GPD2: variants seen among roughly 807,000 people sequenced by gnomAD.
The protein encoded by GPD2 is glycerol-3-phosphate dehydrogenase, mitochondrial.
A neutral mutation model predicts 82.4 loss-of-function variants in GPD2; 54 were observed. The ratio of observed to expected loss-of-function variants is 0.66; its 90% CI spans 0.53 to 0.82. The LOEUF is 0.82. Among genes scored for constraint, GPD2 ranks in the 40% least tolerant of loss-of-function variants. GPD2 has a pLI of 0.00. For synonymous variants in GPD2, 288 were observed against 306.1 expected (o/e 0.94, Z 0.62); for missense variants, 748 against 896.2 (o/e 0.83, Z 2.11).
chr2:156,537,604 G>A (rs893092818), intron 6 of GPD2, among the ~76,000 whole-genome samples: 5 of 152,198 alleles, frequency 3.3e-5, no homozygotes, highest in Admixed American at 2.0e-4. Context: ...TTAGAAGTAT[G>A]AGGGTGTGCT....
At chr2:156,482,761 C>CT (rs1683778324) in intron 2 of GPD2, among the ~76,000 whole-genome samples, 1 of 151,928 alleles carries the variant, frequency 6.6e-6, no homozygotes, top group Admixed American at 6.6e-5. Flanking sequence ...TTGTGAGTGG[C>CT]TTAGGAAATA....
At chr2:156,400,858 T>A in the GPD2 span, among the ~76,000 whole-genome samples, 1 of 152,178 alleles carries the variant, frequency 6.6e-6, no homozygotes, top group Non-Finnish European at 1.5e-5. Flanking sequence ...CGACGTTTGC[T>A]TTTTATTTTT....
At chr2:156,498,642 T>C (rs190160816) in intron 3 of GPD2, among the ~76,000 whole-genome samples, 52 of 152,178 alleles carry the variant, frequency 3.4e-4, no homozygotes, top group African/African-American at 1.2e-3. Flanking sequence ...CTTTATTGAA[T>C]AGATCACTTG....
chr2:156,472,477 C>T (rs1230383942), intron 1 of GPD2, among the ~76,000 whole-genome samples: 1 of 152,030 alleles, frequency 6.6e-6, no homozygotes, highest in Admixed American at 6.6e-5. Context: ...CATGCCACTA[C>T]TGCCTGGCTA....
intron 6 of GPD2, among the ~76,000 whole-genome samples, chr2:156,540,349 C>T (rs113136866): frequency 0.017 from 2,625 of 152,242 alleles, 82 homozygotes; most frequent in African/African-American, 0.059. Context: ...CTGTTGAGAG[C>T]GTCGGACTGG....
the GPD2 span, among the ~76,000 whole-genome samples, chr2:156,401,071 G>A: frequency 6.6e-6 from 1 of 152,212 alleles, no homozygotes; most frequent in African/African-American, 2.4e-5. Context: ...CATGAGTCCA[G>A]TGTTTAAAGG....
chr2:156,540,883 A>G (rs1219702795), intron 6 of GPD2, among the ~76,000 whole-genome samples: 1 of 152,222 alleles, frequency 6.6e-6, no homozygotes, highest in Non-Finnish European at 1.5e-5. Context: ...GTTGTTACAC[A>G]TTTCAGGGTA....
intron 13 of GPD2, 66 bp from the exon 14 acceptor site, chr2:156,578,822 TA>T (rs928874386): frequency 9.7e-6 from 9 of 924,956 alleles, no homozygotes; most frequent in South Asian, 2.6e-5. Context: ...AGATCAACAG[TA>T]AAAAAAGGAG....
intron 3 of GPD2, among the ~76,000 whole-genome samples, chr2:156,502,440 T>G (rs183851471): frequency 1.7e-3 from 256 of 152,264 alleles, no homozygotes; most frequent in African/African-American, 5.8e-3. Flanking sequence ...TTTGTTTTGT[T>G]TTTGGAGACA....
Position 156,584,405 on chromosome 2 carries a change from G to A in GPD2, c.*1487G>A, listed in dbSNP as rs142234239. On this transcript the variant is annotated 3_prime_UTR_variant, in exon 17 of 17. Coordinates refer to ENST00000438166, the MANE Select transcript of GPD2 (RefSeq NM_000408.5). ...ACTGGCACATAAAACACTTTTTGCT[G>A]TTATTTTTATTTATGTCAATACTGC... 2 of 152,236 alleles carry A rather than the reference G, an allele frequency of 1.3e-5. 1 individual carries two copies. The highest frequency in any genetic ancestry group is 3.9e-4 in the East Asian group (2 of 5,154). 9.4% of individuals were successfully genotyped at this position (152,236 alleles called of 1,614,324 possible).
Position 156,512,170 on chromosome 2 carries a change from ATAT to A in GPD2, c.400-46_400-44del, listed in dbSNP as rs772465746. The A allele has an allele frequency of 5.5e-6, 5 of 906,912 alleles. No individual in the cohort carries two copies. The African/African-American group carries it at 6.5e-5, about 12-fold the overall frequency. The allele number at this position is 906,912 out of a possible 1,614,324, so 56.2% of individuals were successfully genotyped here. ...CAGGGTGTCTATTTGCCATTTGAAA[ATAT>A]TATGATCTGTTACTGCCAAACTAAT... On this transcript the variant is annotated intron_variant, in intron 4 of 16. Coordinates refer to ENST00000438166, the MANE Select transcript of GPD2 (RefSeq NM_000408.5).
At chr2:156,442,864 C>G (rs1280230093) in intron 1 of GPD2, among the ~76,000 whole-genome samples, 1 of 151,978 alleles carries the variant, frequency 6.6e-6, no homozygotes, top group Non-Finnish European at 1.5e-5. Flanking sequence ...GTGGTAATGC[C>G]CAAACTGCTT....
chr2:156,552,870 C>A (rs1686811513), intron 8 of GPD2, among the ~76,000 whole-genome samples: 1 of 137,000 alleles, frequency 7.3e-6, no homozygotes. Flanking sequence ...CAAGCTACTT[C>A]TTTCAGCTTC....
intron 9 of GPD2, among the ~76,000 whole-genome samples, chr2:156,568,624 A>G (rs950088064): frequency 1.3e-5 from 2 of 152,044 alleles, no homozygotes; most frequent in Non-Finnish European, 2.9e-5. Flanking sequence ...TTTCATGGAA[A>G]TTATCTTTGT....
chr2:156,431,245 G>C (rs969374137), upstream of GPD2, among the ~76,000 whole-genome samples: 3 of 152,162 alleles, frequency 2.0e-5, no homozygotes, highest in Non-Finnish European at 4.4e-5. Context: ...GGGAAGAAGA[G>C]AAACACTTAA....
intron 1 of GPD2, among the ~76,000 whole-genome samples, chr2:156,449,305 G>T (rs566608953): frequency 2.6e-4 from 40 of 152,222 alleles, no homozygotes; most frequent in Non-Finnish European, 5.1e-4. Flanking sequence ...TCATTCTAGG[G>T]TGCTAGAAAC....
intron 9 of GPD2, 95 bp downstream of exon 9, chr2:156,557,677 T>G (rs1269344321): frequency 1.2e-5 from 9 of 776,464 alleles, no homozygotes; most frequent in Non-Finnish European, 2.1e-5. Flanking sequence ...CCAGTCTGAC[T>G]CATCTTCACA....
At chr2:156,478,353 A>G (rs927656369) in intron 2 of GPD2, among the ~76,000 whole-genome samples, 1 of 152,190 alleles carries the variant, frequency 6.6e-6, no homozygotes, top group African/African-American at 2.4e-5. Context: ...TCTGTTGAAA[A>G]AGATTACTAC....
intron 2 of GPD2, among the ~76,000 whole-genome samples, chr2:156,491,886 G>A (rs1684188100): frequency 6.6e-6 from 1 of 151,784 alleles, no homozygotes; most frequent in Non-Finnish European, 1.5e-5. Context: ...CAGGCGTGGT[G>A]GCAGGCACCT....
Sources: gnomAD v4.1 joint callset for allele counts (sites outside exome capture counted in the v4.1 genomes callset) on GRCh38, gnomAD v4.1.1 for gene constraint, MANE v1.5 for transcripts, NCBI Gene and HGNC (gene_info 2026-07-23, HGNC 2026-07-21) for gene names.